GFM1: variants seen among roughly 807,000 people sequenced by gnomAD.
The protein encoded by GFM1 is G elongation factor mitochondrial 1.
Under a neutral mutation model 96.2 loss-of-function variants are expected in GFM1, and 62 were observed. The ratio of observed to expected loss-of-function variants is 0.64; its 90% CI spans 0.53 to 0.80. The LOEUF is 0.80. GFM1 is among the 30% of genes least tolerant of loss of function. GFM1 has a pLI of 0.00. For missense variants in GFM1, 852 were observed against 916.6 expected (o/e 0.93, Z 0.91); for synonymous variants, 282 against 312.9 (o/e 0.90, Z 1.04).
chr3:158,669,665 T>C lies in GFM1; in HGVS notation c.1601+3279T>C, dbSNP rs1028964872. 9.4e-6 allele frequency: 14 copies of C among 1,494,384 alleles called. No individual in the cohort carries two copies. The African/African-American group carries it at 1.5e-4, about 16-fold the overall frequency. 92.6% of individuals were successfully genotyped at this position (1,494,384 alleles called of 1,614,324 possible). A position where few individuals can be genotyped will look rare whatever the true frequency, so the allele number is the denominator to read the frequency against. ...ATACAGAAGGCTATTCATTATTAAT[T>C]ATCATCTTTGAGATATGATTTAAAG... is the stretch of plus-strand genomic sequence containing the variant. On this transcript the variant is annotated intron_variant, in intron 13 of 17. Transcript: ENST00000486715.
At chr3:158,680,071 C>G (rs1274652270) in intron 13 of GFM1, among the ~76,000 whole-genome samples, 1 of 152,098 alleles carries the variant, frequency 6.6e-6, no homozygotes, top group East Asian at 1.9e-4. Context: ...AGGTAAACAG[C>G]AAAGCCAACA....
intron 1 of GFM1, among the ~76,000 whole-genome samples, chr3:158,645,202 A>T (rs1184263621): frequency 1.3e-5 from 2 of 152,242 alleles, no homozygotes; most frequent in Non-Finnish European, 2.9e-5. Flanking sequence ...ATCACTGCAT[A>T]GAGCATATAA....
chr3:158,671,133 A>G, intron 13 of GFM1: 1 of 1,281,970 alleles, frequency 7.8e-7, no homozygotes, highest in Non-Finnish European at 1.0e-6. Context: ...GGGAATGGTG[A>G]AAGCCTTAGG....
chr3:158,676,458 G>A (rs1420842858), intron 13 of GFM1, among the ~76,000 whole-genome samples: 1 of 152,016 alleles, frequency 6.6e-6, no homozygotes, highest in Admixed American at 6.6e-5. Flanking sequence ...TAGTTTGTTA[G>A]AATGGTAATT....
intron 17 of GFM1, 59 bp downstream of exon 17, chr3:158,691,251 A>G: frequency 1.2e-6 from 2 of 1,606,110 alleles, no homozygotes; most frequent in Non-Finnish European, 8.5e-7. Context: ...CATATTATAA[A>G]ATCTTGACCT....
rs181975783 is a variant in GFM1, at chr3:158,662,156, G to A, written c.1324-472G>A. Among the ~76,000 whole-genome samples, 20 of 152,164 alleles carry A rather than the reference G, an allele frequency of 1.3e-4. No homozygotes were observed. In the East Asian group the frequency reaches 2.3e-3, roughly 18 times the overall value. On this transcript the variant is annotated intron_variant, in intron 10 of 17. Transcript: ENST00000486715. ...TTCCAAGCCTTTAGTGACTGCATTC[G>A]TAAAATGGGGATAATACCTGCTTCT...
chr3:158,652,200 G>A lies in GFM1; in HGVS notation c.794G>A (p.Gly265Asp). 1 of 1,614,034 alleles carries A rather than the reference G, an allele frequency of 6.2e-7. No homozygotes were observed. The highest frequency in any genetic ancestry group is 8.5e-7 in the Non-Finnish European group (1 of 1,179,944). ...ECVANSDEQL[G>D]EMFLEEKIPS... ...GTTGCCAATTCAGATGAACAGCTTGGTGAGATGTTTCTGGAAGAAAAAATC... is the reference window on the plus strand; with the variant it reads ...GTTGCCAATTCAGATGAACAGCTTGATGAGATGTTTCTGGAAGAAAAAATC... Residue 265 changes from glycine (G) to aspartate (D), a missense_variant, in exon 6 of 18, where the codon GGT (glycine) becomes GAT (aspartate). Coordinates refer to ENST00000486715, the MANE Select transcript of GFM1 (RefSeq NM_024996.7).
In GFM1 at chr3:158,694,752, A is replaced by G. The variant is rs1010487682; in HGVS notation, c.*3285A>G. 6.6e-6 allele frequency among the ~76,000 whole-genome samples: 1 copy of G among 152,188 alleles called. No individual in the cohort carries two copies. The highest frequency in any genetic ancestry group is 2.4e-5 in the African/African-American group (1 of 41,438). ...TCCTATTTATATAAGCTTCCAACTG[A>G]CTTTCAAAAGAACTTGTTCAACTTC... On this transcript the variant is annotated 3_prime_UTR_variant, in exon 18 of 18. Transcript: ENST00000486715.
At chr3:158,679,215 T>C (rs548893011) in intron 13 of GFM1, among the ~76,000 whole-genome samples, 1 of 152,372 alleles carries the variant, frequency 6.6e-6, no homozygotes, top group East Asian at 1.9e-4. Context: ...GTGGGATTTT[T>C]GTTTAGACAT....
chr3:158,670,952 CT>C, intron 13 of GFM1: 1 of 1,508,206 alleles, frequency 6.6e-7, no homozygotes, highest in Non-Finnish European at 8.8e-7. Flanking sequence ...AGAAATTTAA[CT>C]TACTTTTTGT....
At chr3:158,672,830 G>GGATT in intron 13 of GFM1, 1 of 256,392 alleles carries the variant, frequency 3.9e-6, no homozygotes, top group Non-Finnish European at 7.9e-6. Flanking sequence ...AGGTTCGCTG[G>GGATT]GATTGCATCT....
chr3:158,672,659 T>TG, intron 13 of GFM1: 1 of 636,676 alleles, frequency 1.6e-6, no homozygotes, highest in Non-Finnish European at 2.6e-6. Flanking sequence ...GGGCCCAGGC[T>TG]CCCTGCATCC....
At chr3:158,679,868 A>T (rs1004569234) in intron 13 of GFM1, among the ~76,000 whole-genome samples, 1 of 152,316 alleles carries the variant, frequency 6.6e-6, no homozygotes, top group African/African-American at 2.4e-5. Flanking sequence ...GAGCTTCCTC[A>T]AGTCACCATT....
At chr3:158,661,012 A>T (rs1560133895) in intron 10 of GFM1, 37 bp downstream of exon 10, 1 of 1,527,418 alleles carries the variant, frequency 6.5e-7, no homozygotes, top group Admixed American at 1.7e-5. Context: ...TATCACTAGA[A>T]TTTTAAAAGT....
rs1216221823 is a variant in GFM1 at position 158,690,268 on chromosome 3, A to G, written c.2015A>G (p.His672Arg). 30 of 1,613,952 alleles carry G rather than the reference A, an allele frequency of 1.9e-5. No homozygotes were observed. The highest frequency in any genetic ancestry group is 3.3e-5 in the South Asian group (3 of 91,080). ...GQVIAGINRR[H>R]GVITGQDGVE... ...GTAATTGCAGGAATTAACCGACGCC[A>G]TGGGGTAATCACTGGGCAAGATGGA... The change falls in exon 16 of 18, where the codon CAT becomes CGT. Residue 672 changes from histidine to arginine, a missense_variant. His to Arg is a conservative substitution (Grantham distance 29). Coordinates refer to ENST00000486715, the MANE Select transcript of GFM1 (RefSeq NM_024996.7).
At chr3:158,668,012 T>A (rs2108058234) in intron 13 of GFM1, among the ~76,000 whole-genome samples, 1 of 152,268 alleles carries the variant, frequency 6.6e-6, no homozygotes, top group East Asian at 1.9e-4. Context: ...TGTTGGATTA[T>A]AACTCAAGAC....
intron 4 of GFM1, 66 bp downstream of exon 4, chr3:158,647,013 G>A (rs2108004131): frequency 8.1e-7 from 1 of 1,236,928 alleles, no homozygotes; most frequent in East Asian, 2.3e-5. Context: ...TATCCAAAAG[G>A]GTGATTAATT....
intron 13 of GFM1, among the ~76,000 whole-genome samples, chr3:158,669,813 T>TA (rs1399203909): frequency 6.6e-6 from 1 of 152,202 alleles, no homozygotes; most frequent in African/African-American, 2.4e-5. Context: ...ATAGATAACT[T>TA]ACTTTATAAA....
chr3:158,688,958 G>GT (rs1480994935), intron 15 of GFM1, among the ~76,000 whole-genome samples: 1 of 152,142 alleles, frequency 6.6e-6, no homozygotes, highest in East Asian at 1.9e-4. Flanking sequence ...AAAATTGTTA[G>GT]TTTTGGTTTA....
Sources: gnomAD v4.1 joint callset for allele counts (sites outside exome capture counted in the v4.1 genomes callset) on GRCh38, gnomAD v4.1.1 for gene constraint, MANE v1.5 for transcripts, NCBI Gene and HGNC (gene_info 2026-07-23, HGNC 2026-07-21) for gene names.